Variants in RPS6KC1 observed in about 807,000 individuals in gnomAD.
RPS6KC1 encodes ribosomal protein S6 kinase C1, also known as inactive ribosomal protein S6 kinase delta-1.
RPS6KC1 carries 54 observed loss-of-function variants against 103.8 expected under a neutral mutation model. That is an observed-to-expected ratio of 0.52 (90% confidence interval 0.42 to 0.65). The LOEUF (loss-of-function observed/expected upper bound fraction) is 0.65. RPS6KC1 is among the 30% of genes least tolerant of loss of function. RPS6KC1 has a pLI of 0.00. For synonymous variants in RPS6KC1, 439 were observed against 438.7 expected (o/e 1.00, Z -0.01); for missense variants, 1,151 against 1,253.8 (o/e 0.92, Z 1.24).
chr1:213,482,644 G>A, the RPS6KC1 span, among the ~76,000 whole-genome samples: 2 of 146,112 alleles, frequency 1.4e-5, no homozygotes, highest in African/African-American at 5.1e-5. Context: ...TACCTCCTGG[G>A]CTCAAGCGAC....
intron 8 of RPS6KC1, among the ~76,000 whole-genome samples, chr1:213,217,649 C>T (rs1396711012): frequency 6.6e-6 from 1 of 152,194 alleles, no homozygotes; most frequent in Non-Finnish European, 1.5e-5. Flanking sequence ...CTGAATCCAG[C>T]AGCACATCAG....
At chr1:213,066,011 G>A (rs2078295743) in intron 1 of RPS6KC1, among the ~76,000 whole-genome samples, 1 of 152,118 alleles carries the variant, frequency 6.6e-6, no homozygotes, top group Non-Finnish European at 1.5e-5. Flanking sequence ...TCTGTAAAAG[G>A]GGAAGTCATA....
At chr1:213,698,692 G>T in the RPS6KC1 span, among the ~76,000 whole-genome samples, 1 of 151,810 alleles carries the variant, frequency 6.6e-6, no homozygotes, top group Non-Finnish European at 1.5e-5. Flanking sequence ...AAAATATTTT[G>T]CCCCATTACA....
the RPS6KC1 span, among the ~76,000 whole-genome samples, chr1:213,803,240 C>CTTTT: frequency 8.9e-5 from 9 of 101,376 alleles, no homozygotes; most frequent in East Asian, 3.4e-4. Context: ...AAGGCAGTGG[C>CTTTT]TTTTTTTTTT....
the RPS6KC1 span, among the ~76,000 whole-genome samples, chr1:213,380,377 C>G: frequency 1.6e-3 from 248 of 152,252 alleles, 2 homozygotes; most frequent in African/African-American, 5.6e-3. Context: ...CTAATGGATA[C>G]TAGGCTTAAT....
chr1:213,461,239 C>G, the RPS6KC1 span, among the ~76,000 whole-genome samples: 1 of 152,110 alleles, frequency 6.6e-6, no homozygotes, highest in Non-Finnish European at 1.5e-5. Flanking sequence ...TGTGAAGGAC[C>G]TCTTCAAGGA....
At chr1:213,475,978 A>G in the RPS6KC1 span, among the ~76,000 whole-genome samples, 62 of 152,300 alleles carry the variant, frequency 4.1e-4, no homozygotes, top group African/African-American at 1.4e-3. Flanking sequence ...GCCTGGGGCA[A>G]CATCCACATC....
At chr1:213,306,798 A>G in the RPS6KC1 span, among the ~76,000 whole-genome samples, 1 of 152,206 alleles carries the variant, frequency 6.6e-6, no homozygotes. Context: ...AGCACTTAGT[A>G]GGTAGTAGGC....
chr1:213,359,746 A>G, the RPS6KC1 span, among the ~76,000 whole-genome samples: 6 of 152,278 alleles, frequency 3.9e-5, no homozygotes, highest in Admixed American at 1.3e-4. Flanking sequence ...CTTTAGGGCA[A>G]GCCTGGTAGT....
At chr1:213,248,890 A>T (rs998856554) in intron 12 of RPS6KC1, among the ~76,000 whole-genome samples, 1 of 152,218 alleles carries the variant, frequency 6.6e-6, no homozygotes, top group Non-Finnish European at 1.5e-5. Context: ...GAGAAGTTCA[A>T]TGAATTGATG....
the RPS6KC1 span, among the ~76,000 whole-genome samples, chr1:213,433,217 G>C: frequency 1.3e-5 from 2 of 152,124 alleles, no homozygotes; most frequent in Admixed American, 6.5e-5. Flanking sequence ...GCATCTCTCT[G>C]ACTTGTCTGA....
chr1:213,755,760 C>G, the RPS6KC1 span, among the ~76,000 whole-genome samples: 1 of 152,232 alleles, frequency 6.6e-6, no homozygotes, highest in Non-Finnish European at 1.5e-5. Flanking sequence ...TGTCTTTATT[C>G]AACAATTCAT....
At chr1:213,100,951 A>G (rs2081972373) in intron 3 of RPS6KC1, among the ~76,000 whole-genome samples, 1 of 152,188 alleles carries the variant, frequency 6.6e-6, no homozygotes, top group Non-Finnish European at 1.5e-5. Flanking sequence ...GTATATACCC[A>G]GTAATAGGAT....
the RPS6KC1 span, among the ~76,000 whole-genome samples, chr1:213,416,315 T>C: frequency 4.7e-4 from 72 of 152,046 alleles, no homozygotes; most frequent in Non-Finnish European, 9.3e-4. Flanking sequence ...GGTGACTGAG[T>C]CATCTTGCCA....
the RPS6KC1 span, among the ~76,000 whole-genome samples, chr1:213,609,999 T>C: frequency 3.3e-5 from 5 of 152,282 alleles, no homozygotes; most frequent in Middle Eastern, 3.4e-3. Context: ...TTGAGGAATA[T>C]ACATACATGA....
intron 12 of RPS6KC1, among the ~76,000 whole-genome samples, chr1:213,247,483 A>G (rs2094471727): frequency 6.6e-6 from 1 of 152,100 alleles, no homozygotes; most frequent in South Asian, 2.1e-4. Flanking sequence ...TTAGGCATGG[A>G]GCTCCATGTA....
At chr1:213,625,337 T>C in the RPS6KC1 span, among the ~76,000 whole-genome samples, 3 of 152,246 alleles carry the variant, frequency 2.0e-5, no homozygotes, top group African/African-American at 4.8e-5. Flanking sequence ...TGTGTACTTA[T>C]GCAATATTCT....
the RPS6KC1 span, among the ~76,000 whole-genome samples, chr1:213,859,499 T>C: frequency 6.6e-6 from 1 of 152,208 alleles, no homozygotes; most frequent in Non-Finnish European, 1.5e-5. Context: ...GTGGTTTCTA[T>C]TGTAAAGACG....
chr1:213,782,957 G>A, the RPS6KC1 span, among the ~76,000 whole-genome samples: 33 of 152,238 alleles, frequency 2.2e-4, no homozygotes, highest in Middle Eastern at 3.4e-3. Context: ...GGCCTCCTCT[G>A]GCTTTCTTCC....
Sources: allele counts gnomAD v4.1 joint callset (sites outside exome capture counted in the v4.1 genomes callset), GRCh38; gene constraint gnomAD v4.1.1; transcripts MANE v1.5; gene names NCBI Gene and HGNC (gene_info 2026-07-23, HGNC 2026-07-21).